TTC7A: variants seen among roughly 807,000 people sequenced by gnomAD.
TTC7A encodes tetratricopeptide repeat protein 7A.
Under a neutral mutation model 103.7 loss-of-function variants are expected in TTC7A, and 110 were observed. That is an observed-to-expected ratio of 1.06 (90% CI 0.91 to 1.24). TTC7A has a LOEUF of 1.24. Among genes scored for constraint, TTC7A ranks in the 50% most tolerant of loss-of-function variants. TTC7A has a pLI of 0.00. For missense variants in TTC7A, 1,340 were observed against 1,116.3 expected (o/e 1.20, Z -2.86); for synonymous variants, 521 against 467.9 (o/e 1.11, Z -1.47).
At chr2:46,994,266 G>A (rs781620190) in intron 6 of TTC7A, 91 bp from the exon 7 acceptor site, 2 of 1,472,038 alleles carry the variant, frequency 1.4e-6, no homozygotes, top group African/African-American at 2.8e-5. Context: ...AAGCGGGGCA[G>A]ATTTAGCTGG....
chr2:46,964,506 A>T (rs1672670216), intron 3 of TTC7A, among the ~76,000 whole-genome samples: 2 of 152,166 alleles, frequency 1.3e-5, no homozygotes, highest in Non-Finnish European at 2.9e-5. Flanking sequence ...GGTGCACCAC[A>T]GCCTGTTCCC....
intron 16 of TTC7A, among the ~76,000 whole-genome samples, chr2:47,048,759 T>C (rs145007748): frequency 9.1e-4 from 138 of 152,182 alleles, no homozygotes; most frequent in African/African-American, 3.2e-3. Flanking sequence ...CCCACGACCA[T>C]GTCTGGTTAA....
chr2:47,073,910 C>G lies in TTC7A; in HGVS notation c.2564C>G (p.Pro855Arg), dbSNP rs750794132. Residue 855 changes from proline to arginine, a missense_variant, in exon 20 of 20, where the codon CCC (proline) becomes CGC (arginine). Coordinates refer to ENST00000319190, the MANE Select transcript of TTC7A (RefSeq NM_020458.4). ...CCTGTACTGCCCTTCTCCATCATCC[C>G]CAGAGAGCTCTGACGACGCTGCAGC... Reference protein sequence around the residue: ...SSPVLPFSIIPREL With the variant: ...SSPVLPFSIIRREL 1.7e-5 allele frequency: 27 copies of G among 1,611,810 alleles called. No individual in the cohort carries two copies. The highest frequency in any genetic ancestry group is 2.3e-5 in the Non-Finnish European group (27 of 1,179,394).
Position 47,023,456 on chromosome 2 carries a change from C to T in TTC7A, c.1559C>T (p.Thr520Met), listed in dbSNP as rs142107031. Residue 520 changes from threonine to methionine, a missense_variant, in exon 13 of 20, where the codon ACG becomes ATG. Physicochemically the swap from Thr to Met is moderately conservative, Grantham distance 81. Transcript: ENST00000319190. ...GAATTGCACCGGAAGGCACTGCAGA[C>T]GCTGGAGAGGTGAGGAGGCTCCCAC... Reference protein sequence around the residue: ...QDELHRKALQTLERAQQLAPS... With the variant: ...QDELHRKALQMLERAQQLAPS... 5.4e-5 allele frequency: 87 copies of T among 1,614,122 alleles called. No homozygotes were observed. The highest frequency in any genetic ancestry group is 3.5e-4 in the African/African-American group (26 of 75,042).
chr2:46,954,231 A>T (rs1671649684), intron 2 of TTC7A, among the ~76,000 whole-genome samples: 1 of 151,928 alleles, frequency 6.6e-6, no homozygotes, highest in South Asian at 2.1e-4. Flanking sequence ...TTCCCCTTTT[A>T]TTGACAGGGA....
At chr2:46,929,562 T>TA (rs1669585954) in intron 2 of TTC7A, among the ~76,000 whole-genome samples, 1 of 152,202 alleles carries the variant, frequency 6.6e-6, no homozygotes, top group South Asian at 2.1e-4. Context: ...AAAGGAAATG[T>TA]AAAAAAATTT....
chr2:47,049,065 G>C (rs773312296), intron 16 of TTC7A, among the ~76,000 whole-genome samples: 3 of 152,136 alleles, frequency 2.0e-5, no homozygotes, highest in Non-Finnish European at 2.9e-5. Context: ...CCTGAGTTAC[G>C]ATGGCAAGGA....
intron 5 of TTC7A, among the ~76,000 whole-genome samples, chr2:46,989,498 C>T (rs1416389811): frequency 6.6e-6 from 1 of 152,200 alleles, no homozygotes; most frequent in Non-Finnish European, 1.5e-5. Context: ...CCTGGAGAAG[C>T]CCCGTGTGCT....
intron 8 of TTC7A, among the ~76,000 whole-genome samples, chr2:47,001,820 C>G (rs1676838721): frequency 6.7e-6 from 1 of 148,884 alleles, no homozygotes; most frequent in African/African-American, 2.5e-5. Context: ...GACCACACCA[C>G]TGCTCTCCAA....
chr2:47,071,906 C>T (rs1262932727), intron 19 of TTC7A, among the ~76,000 whole-genome samples: 7 of 152,358 alleles, frequency 4.6e-5, no homozygotes, highest in Middle Eastern at 3.4e-3. Flanking sequence ...GAAGCCACTC[C>T]GGCCCTGGCC....
chr2:46,963,044 A>G (rs929600189), intron 3 of TTC7A, among the ~76,000 whole-genome samples: 3 of 152,216 alleles, frequency 2.0e-5, no homozygotes, highest in African/African-American at 7.2e-5. Context: ...GCTCAGCAGC[A>G]GGCCTCAGGG....
intron 3 of TTC7A, among the ~76,000 whole-genome samples, chr2:46,966,955 A>G (rs939963650): frequency 1.3e-5 from 2 of 150,328 alleles, no homozygotes; most frequent in African/African-American, 2.5e-5. Flanking sequence ...GCTCATGCCT[A>G]TAATCCCAGT....
intron 3 of TTC7A, among the ~76,000 whole-genome samples, chr2:46,963,164 C>T (rs1672539425): frequency 1.3e-5 from 2 of 152,210 alleles, no homozygotes; most frequent in South Asian, 4.1e-4. Flanking sequence ...AGCCTTGTCT[C>T]CTAATAGAAT....
At chr2:46,990,368 C>T (rs552095477) in intron 5 of TTC7A, among the ~76,000 whole-genome samples, 7 of 152,232 alleles carry the variant, frequency 4.6e-5, no homozygotes, top group African/African-American at 9.6e-5. Context: ...GTGGGGGGCC[C>T]GGGCCTGTCC....
At chr2:47,037,046 A>G (rs1008922645) in intron 15 of TTC7A, among the ~76,000 whole-genome samples, 1 of 152,152 alleles carries the variant, frequency 6.6e-6, no homozygotes. Flanking sequence ...TAGGGTATCC[A>G]TACCTTGTCA....
chr2:47,049,303 A>G (rs113777933), intron 16 of TTC7A, among the ~76,000 whole-genome samples: 4 of 151,782 alleles, frequency 2.6e-5, no homozygotes, highest in Admixed American at 6.6e-5. Flanking sequence ...GCTGGAGGCT[A>G]TTTCCTGGCT....
chr2:46,952,236 A>G (rs1044656023), intron 2 of TTC7A, among the ~76,000 whole-genome samples: 37 of 152,156 alleles, frequency 2.4e-4, no homozygotes, highest in Non-Finnish European at 4.0e-4. Context: ...CCTGACCCTG[A>G]GCATGCTTGA....
chr2:46,937,959 C>T (rs1037741381), upstream of TTC7A, among the ~76,000 whole-genome samples: 1 of 152,024 alleles, frequency 6.6e-6, no homozygotes, highest in African/African-American at 2.4e-5. This position sits in a 1 kb window ranked among gnomAD's most constrained non-coding sequence, Gnocchi z 4.0. Flanking sequence ...CTGATGGAGA[C>T]TTCAGGGCTA....
At chr2:46,928,200 G>A (rs1406896706) in intron 2 of TTC7A, among the ~76,000 whole-genome samples, 1 of 151,770 alleles carries the variant, frequency 6.6e-6, no homozygotes, top group Non-Finnish European at 1.5e-5. Flanking sequence ...CCTTGTATTA[G>A]TTTTCTCTTT....
Sources: gnomAD v4.1 joint callset for allele counts (sites outside exome capture counted in the v4.1 genomes callset) on GRCh38, gnomAD v4.1.1 for gene constraint, Gnocchi (gnomAD v3.1) non-coding constraint, MANE v1.5 for transcripts, NCBI Gene and HGNC (gene_info 2026-07-23, HGNC 2026-07-21) for gene names.